The following ATP5F1E variants were observed in gnomAD, a reference collection of about 807,000 sequenced individuals.
ATP5F1E encodes ATP synthase F1 subunit epsilon, also known as ATP synthase F(1) complex subunit epsilon, mitochondrial.
Under a neutral mutation model 7.0 loss-of-function variants are expected in ATP5F1E, and 5 were observed. That is an observed-to-expected ratio of 0.71 (90% CI 0.37 to 1.49). The LOEUF (loss-of-function observed/expected upper bound fraction) is 1.49. ATP5F1E is among the 40% of genes most tolerant of loss of function. The probability of loss-of-function intolerance (pLI) is 0.03; values close to 1 mark genes in which losing one functional copy is unlikely to be tolerated. For missense variants in ATP5F1E, 59 were observed against 57.1 expected (o/e 1.03, Z -0.11); for synonymous variants, 20 against 20.1 (o/e 0.99, Z 0.02).
At chr20:59,030,243 CTT>C in intron 2 of ATP5F1E, 58 bp downstream of exon 2, 2 of 1,600,480 alleles carry the variant, frequency 1.2e-6, no homozygotes, top group Non-Finnish European at 1.7e-6. Context: ...TTATTTTGAT[CTT>C]TATGGTGCTC....
Position 59,026,402 on chromosome 20 carries a change from TA to T in ATP5F1E, c.*2442del, listed in dbSNP as rs1483959907. 1 of 152,228 alleles carries T rather than the reference TA, an allele frequency of 6.6e-6. No individual in the cohort carries two copies. The highest frequency in any genetic ancestry group is 1.9e-4 in the East Asian group (1 of 5,202). The allele number at this position is 152,228 out of a possible 1,614,324, so 9.4% of individuals were successfully genotyped here. A position where few individuals can be genotyped will look rare whatever the true frequency, so the allele number is the denominator to read the frequency against. On this transcript the variant is annotated 3_prime_UTR_variant, in exon 3 of 3. Transcript: ENST00000243997. ...TGAAGTTAGTAACTTCCTGAGATGC[TA>T]AAGACTTACAGCCTGCGATTATACA...
chr20:59,026,231 G>C lies in ATP5F1E; in HGVS notation c.*2614C>G, dbSNP rs940000906. The C allele has an allele frequency of 1.3e-5, 2 of 152,132 alleles. No individual in the cohort carries two copies. The highest frequency in any genetic ancestry group is 2.9e-5 in the Non-Finnish European group (2 of 68,030). The allele number at this position is 152,132 out of a possible 1,614,324, so 9.4% of individuals were successfully genotyped here. ...GAAATAACTAAAATACATACCAAGA[G>C]AAAAATACCTTGCCATCGGATCATC... On this transcript the variant is annotated 3_prime_UTR_variant, in exon 3 of 3. Transcript: ENST00000243997.
At chr20:59,030,479 A>G in intron 1 of ATP5F1E, 50 bp from the exon 2 acceptor site, 1 of 1,608,058 alleles carries the variant, frequency 6.2e-7, no homozygotes, top group East Asian at 2.2e-5. Context: ...TATTCCAGCC[A>G]GACAGCTGTT....
intron 1 of ATP5F1E, among the ~76,000 whole-genome samples, 183 bp downstream of exon 1, chr20:59,032,037 G>C (rs1002832718): frequency 1.3e-5 from 2 of 152,262 alleles, no homozygotes; most frequent in Non-Finnish European, 2.9e-5. Context: ...TCCCACGCGA[G>C]GTCGAGGCCG....
chr20:59,026,760 G>C lies in ATP5F1E; in HGVS notation c.*2085C>G, dbSNP rs1568691483. The C allele has an allele frequency of 6.6e-6, 1 of 152,196 alleles. No individual in the cohort carries two copies. Among genetic ancestry groups the C allele is most frequent in the Non-Finnish European group, 1.5e-5 (1 of 68,032 alleles). 9.4% of individuals were successfully genotyped at this position (152,196 alleles called of 1,614,324 possible). A position where few individuals can be genotyped will look rare whatever the true frequency, so the allele number is the denominator to read the frequency against. On this transcript the variant is annotated 3_prime_UTR_variant, in exon 3 of 3. Coordinates refer to ENST00000243997, the MANE Select transcript of ATP5F1E (RefSeq NM_006886.4). The stretch of plus-strand genomic sequence containing the variant: ...AACACAAAACAAACTAGAAACTTAA[G>C]AAATCTGTCCCTTTTGATTTTGAAG...
Position 59,028,437 on chromosome 20 carries a change from GACA to G in ATP5F1E, c.*405_*407del, listed in dbSNP as rs1344945163. 1 of 152,098 alleles carries G rather than the reference GACA, an allele frequency of 6.6e-6. No individual in the cohort carries two copies. Among genetic ancestry groups the G allele is most frequent in the East Asian group, 1.9e-4 (1 of 5,200 alleles). 9.4% of individuals were successfully genotyped at this position (152,098 alleles called of 1,614,324 possible). On this transcript the variant is annotated 3_prime_UTR_variant, in exon 3 of 3. Transcript: ENST00000243997. ...GATAACCATGTCATTATTCTGACAT[GACA>G]ACAATTCAAAAATAAGGGACTACGA...
intron 1 of ATP5F1E, among the ~76,000 whole-genome samples, chr20:59,031,063 A>G (rs1489445697): frequency 1.3e-5 from 2 of 152,238 alleles, no homozygotes; most frequent in African/African-American, 2.4e-5. Flanking sequence ...GACTCCCATC[A>G]ACACTGTAGT....
chr20:59,030,483 A>T, intron 1 of ATP5F1E, 54 bp from the exon 2 acceptor site: 1 of 1,606,014 alleles, frequency 6.2e-7, no homozygotes, highest in Non-Finnish European at 8.5e-7. Flanking sequence ...CCAGCCAGAC[A>T]GCTGTTACTG....
rs1174162972 is a variant in ATP5F1E, at chr20:59,027,866, C to T, written c.*979G>A. 6.6e-6 allele frequency: 1 copy of T among 152,242 alleles called. No individual in the cohort carries two copies. The highest frequency in any genetic ancestry group is 6.5e-5 in the Admixed American group (1 of 15,286). 9.4% of individuals were successfully genotyped at this position (152,242 alleles called of 1,614,324 possible). A position where few individuals can be genotyped will look rare whatever the true frequency, so the allele number is the denominator to read the frequency against. ...TTCGGCTTATCCTCGGCATTGCTGA[C>T]AGTGGCCCTGATAAATCATTGTGAG... On this transcript the variant is annotated 3_prime_UTR_variant, in exon 3 of 3. Coordinates refer to ENST00000243997, the MANE Select transcript of ATP5F1E (RefSeq NM_006886.4).
In ATP5F1E at chr20:59,026,384, A is replaced by G. The variant is rs965639681; in HGVS notation, c.*2461T>C. The G allele has an allele frequency of 1.3e-5, 2 of 152,252 alleles. No individual in the cohort carries two copies. The highest frequency in any genetic ancestry group is 4.8e-5 in the African/African-American group (2 of 41,462). The allele number at this position is 152,252 out of a possible 1,614,324, so 9.4% of individuals were successfully genotyped here. A position where few individuals can be genotyped will look rare whatever the true frequency, so the allele number is the denominator to read the frequency against. ...CTACCTATATACTTAGTTTGAAGTT[A>G]GTAACTTCCTGAGATGCTAAAGACT... On this transcript the variant is annotated 3_prime_UTR_variant, in exon 3 of 3. Coordinates refer to ENST00000243997, the MANE Select transcript of ATP5F1E (RefSeq NM_006886.4).
rs1270133767 is a variant in ATP5F1E, at chr20:59,025,638, T to C, written c.*3207A>G. On this transcript the variant is annotated 3_prime_UTR_variant, in exon 3 of 3. Coordinates refer to ENST00000243997, the MANE Select transcript of ATP5F1E (RefSeq NM_006886.4). ...TGGTCTTTTCACTTTCATTCAGTCA[T>C]CACCCCCCAAAATGCTCTGCAGCCT... The C allele has an allele frequency of 6.6e-6, 1 of 152,230 alleles. No individual in the cohort carries two copies. Among genetic ancestry groups the C allele is most frequent in the Non-Finnish European group, 1.5e-5 (1 of 68,044 alleles). The allele number at this position is 152,230 out of a possible 1,614,324, so 9.4% of individuals were successfully genotyped here.
rs906673612 is a variant in ATP5F1E, at chr20:59,026,960, G to A, written c.*1885C>T. ...AACTAATTAGTGGGATACTCATTAA[G>A]TTGGTCTGACTGGGGTCACCTCATC... On this transcript the variant is annotated 3_prime_UTR_variant, in exon 3 of 3. Coordinates refer to ENST00000243997, the MANE Select transcript of ATP5F1E (RefSeq NM_006886.4). The A allele has an allele frequency of 6.6e-6, 1 of 152,334 alleles. No homozygotes were observed. The highest frequency in any genetic ancestry group is 1.9e-4 in the East Asian group (1 of 5,186). The allele number at this position is 152,334 out of a possible 1,614,324, so 9.4% of individuals were successfully genotyped here. A position where few individuals can be genotyped will look rare whatever the true frequency, so the allele number is the denominator to read the frequency against.
In ATP5F1E at chr20:59,032,289, A is replaced by G; in HGVS notation, c.-38T>C. On this transcript the variant is annotated 5_prime_UTR_variant, in exon 1 of 3. Transcript: ENST00000243997. ...GCGGAGCTCGTCGGGCCGAATCGCCAAGACGCCGGCAATGTCGGCTCAGCC... is the reference window on the plus strand; with the variant it reads ...GCGGAGCTCGTCGGGCCGAATCGCCGAGACGCCGGCAATGTCGGCTCAGCC... 1 of 1,591,596 alleles carries G rather than the reference A, an allele frequency of 6.3e-7. No homozygotes were observed.
intron 1 of ATP5F1E, among the ~76,000 whole-genome samples, chr20:59,031,685 A>C (rs996005783): frequency 3.3e-5 from 5 of 152,226 alleles, no homozygotes; most frequent in Non-Finnish European, 7.3e-5. Flanking sequence ...GGCTCTCGAC[A>C]GTTATGGCTT....
At position 59,031,987 on chromosome 20, in the gene ATP5F1E, G is replaced by A. The variant is rs2273362; in HGVS notation, c.32+233C>T. On this transcript the variant is annotated intron_variant, in intron 1 of 2. Coordinates refer to ENST00000243997, the MANE Select transcript of ATP5F1E (RefSeq NM_006886.4). The stretch of plus-strand genomic sequence containing the variant: ...TGTCCAGGGGCACTCTGTGGGTGCT[G>A]GGCCGCACCGTCGGGAAGCGAGGCA... Among the ~76,000 whole-genome samples, 973 of 152,386 alleles carry A rather than the reference G, an allele frequency of 6.4e-3. 62 individuals are homozygous for A. In the East Asian group the frequency reaches 0.14, roughly 23 times the overall value.
At chr20:59,030,243 C>T in intron 2 of ATP5F1E, 60 bp downstream of exon 2, 1 of 1,600,480 alleles carries the variant, frequency 6.2e-7, no homozygotes, top group Non-Finnish European at 8.5e-7. Context: ...TTATTTTGAT[C>T]TTTATGGTGC....
At chr20:59,029,115 G>C (rs1404517325) in intron 2 of ATP5F1E, 1 of 152,098 alleles carries the variant, frequency 6.6e-6, no homozygotes, top group Non-Finnish European at 1.5e-5. Context: ...AATGAGGTGG[G>C]GTCTGTAACC....
In ATP5F1E at chr20:59,028,685, T is replaced by C. The variant is rs1415948362; in HGVS notation, c.*160A>G. The stretch of plus-strand genomic sequence containing the variant: ...AAGTCTCACAAACTAAAATCAAGAG[T>C]AACAGTGAACCATATTTCAATTTAT... On this transcript the variant is annotated 3_prime_UTR_variant, in exon 3 of 3. Coordinates refer to ENST00000243997, the MANE Select transcript of ATP5F1E (RefSeq NM_006886.4). The C allele has an allele frequency of 1.8e-5, 3 of 167,014 alleles. No homozygotes were observed. Among genetic ancestry groups the C allele is most frequent in the African/African-American group, 7.2e-5 (3 of 41,396 alleles). 10.3% of individuals were successfully genotyped at this position (167,014 alleles called of 1,614,324 possible). A position where few individuals can be genotyped will look rare whatever the true frequency, so the allele number is the denominator to read the frequency against.
intron 2 of ATP5F1E, chr20:59,029,587 C>T (rs954976222): frequency 6.6e-6 from 1 of 152,178 alleles, no homozygotes; most frequent in Non-Finnish European, 1.5e-5. Flanking sequence ...ATTTGCCTTG[C>T]CTACTTTTGA....
Sources: allele counts gnomAD v4.1 joint callset (sites outside exome capture counted in the v4.1 genomes callset), GRCh38; gene constraint gnomAD v4.1.1; transcripts MANE v1.5; gene names NCBI Gene and HGNC (gene_info 2026-07-23, HGNC 2026-07-21).